CCDC71L: variants seen among roughly 807,000 people sequenced by gnomAD.
CCDC71L encodes coiled-coil domain-containing protein 71L.
In CCDC71L, 6 loss-of-function variants were observed where a neutral mutation model predicts 10.2. That is an observed-to-expected ratio of 0.59 (90% confidence interval 0.32 to 1.16). The LOEUF is 1.16. CCDC71L is among the 50% of genes most tolerant of loss of function. The probability of loss-of-function intolerance (pLI) is 0.05; values close to 1 mark genes in which losing one functional copy is unlikely to be tolerated. For synonymous variants in CCDC71L, 204 were observed against 175.5 expected (o/e 1.16, Z -1.28); for missense variants, 366 against 383.4 (o/e 0.95, Z 0.38).
chr7:106,660,197 G>A lies in CCDC71L; in HGVS notation c.700C>T (p.Arg234Trp). Residue 234 changes from arginine (R) to tryptophan (W), a missense_variant, in exon 1 of 1, where the codon CGG becomes TGG. Coordinates refer to ENST00000523505, the MANE Select transcript of CCDC71L (RefSeq NM_175884.6). The surrounding 1 kb of genome is among the most constrained non-coding windows in gnomAD (Gnocchi z 7.5). ...MVRLRRFPVPRA is the reference protein window; with the variant it reads ...MVRLRRFPVPWA Reference sequence around the variant, plus strand: ...GCCCTGGAGGCCGCACCTCATGCCCGGGGCACCGGGAAGCGGCGGAGCCTC... The same window carrying A: ...GCCCTGGAGGCCGCACCTCATGCCCAGGGCACCGGGAAGCGGCGGAGCCTC... 6.4e-7 allele frequency: 1 copy of A among 1,561,692 alleles called. No individual in the cohort carries two copies. The highest frequency in any genetic ancestry group is 8.6e-7 in the Non-Finnish European group (1 of 1,163,924).
In CCDC71L at chr7:106,660,844, G is replaced by A. The variant is rs746597913; in HGVS notation, c.53C>T (p.Thr18Met). Reference protein sequence around the residue: ...RRRRRPVAPATAARGGDFRAE... With the variant: ...RRRRRPVAPAMAARGGDFRAE... Reference sequence around the variant, plus strand: ...CCTAAAGTCGCCGCCCCGGGCGGCCGTGGCCGGGGCGACCGGGCGCCGGCG... The same window carrying A: ...CCTAAAGTCGCCGCCCCGGGCGGCCATGGCCGGGGCGACCGGGCGCCGGCG... The change falls in exon 1 of 1, where the codon ACG becomes ATG. Residue 18 changes from threonine (T) to methionine (M), a missense_variant. Physicochemically the swap from Thr to Met is moderately conservative, Grantham distance 81. Coordinates refer to ENST00000523505, the MANE Select transcript of CCDC71L (RefSeq NM_175884.6). The surrounding 1 kb of genome is among the most constrained non-coding windows in gnomAD (Gnocchi z 7.5). 12 of 1,496,980 alleles carry A rather than the reference G, an allele frequency of 8.0e-6. No individual in the cohort carries two copies. Among genetic ancestry groups the A allele is most frequent in the African/African-American group, 1.5e-5 (1 of 68,446 alleles). The allele number at this position is 1,496,980 out of a possible 1,614,324, so 92.7% of individuals were successfully genotyped here. A position where few individuals can be genotyped will look rare whatever the true frequency, so the allele number is the denominator to read the frequency against.
Position 106,660,080 on chromosome 7 carries a change from C to T in CCDC71L, c.*109G>A. On this transcript the variant is annotated 3_prime_UTR_variant, in exon 1 of 1. Transcript: ENST00000523505. This position sits in a 1 kb window ranked among gnomAD's most constrained non-coding sequence, Gnocchi z 7.5. ...TTCGCGCGTAAAGTGCATTGGGGGC[C>T]GGGGTCCTGGCCGGATCTGTAAACA... The T allele has an allele frequency of 3.0e-6, 4 of 1,325,464 alleles. No individual in the cohort carries two copies. The highest frequency in any genetic ancestry group is 3.9e-6 in the Non-Finnish European group (4 of 1,026,806). 82.1% of individuals were successfully genotyped at this position (1,325,464 alleles called of 1,614,324 possible).
Position 106,660,261 on chromosome 7 carries a change from C to A in CCDC71L, c.636G>T (p.Arg212Ser). 2 of 1,572,580 alleles carry A rather than the reference C, an allele frequency of 1.3e-6. No individual in the cohort carries two copies. The highest frequency in any genetic ancestry group is 2.4e-5 in the East Asian group (1 of 41,568). Residue 212 changes from arginine (R) to serine (S), a missense_variant, in exon 1 of 1, where the codon AGG becomes AGT. Transcript: ENST00000523505. The surrounding 1 kb of genome is among the most constrained non-coding windows in gnomAD (Gnocchi z 7.5). ...GGTTCACTCGCAGGACCTGGCGCGC[C>A]CTGCGCCGCGCTGCCGCCAGGCTGC... ...GERSLAAARR[R>S]ARQVLRVNLE...
chr7:106,658,073 T>A lies in CCDC71L; in HGVS notation c.*2116A>T, dbSNP rs545749669. On this transcript the variant is annotated 3_prime_UTR_variant, in exon 1 of 1. Coordinates refer to ENST00000523505, the MANE Select transcript of CCDC71L (RefSeq NM_175884.6). ...ATTATTATAAAACTATATACAATAG[T>A]AAAGTTGTACAAATACATTTTTTCC... 6.6e-5 allele frequency: 10 copies of A among 152,310 alleles called. No individual in the cohort carries two copies. In the East Asian group the frequency reaches 1.9e-3, roughly 29 times the overall value. 9.4% of individuals were successfully genotyped at this position (152,310 alleles called of 1,614,324 possible). A position where few individuals can be genotyped will look rare whatever the true frequency, so the allele number is the denominator to read the frequency against.
rs1792479411 is a variant in CCDC71L at position 106,655,708 on chromosome 7, T to C, written c.*4481A>G. Among the ~76,000 whole-genome samples, 1 of 148,112 alleles carries C rather than the reference T, an allele frequency of 6.8e-6. No homozygotes were observed. ...CTTATAGAGATATAACAAAAGAAGA[T>C]GTGAATCTTTAAAAAAACTCCAACA... is the stretch of plus-strand genomic sequence containing the variant. On this transcript the variant is annotated 3_prime_UTR_variant, in exon 1 of 1. Transcript: ENST00000523505.
rs954251533 is a variant in CCDC71L, at chr7:106,659,307, G to A, written c.*882C>T. The A allele has an allele frequency of 7.9e-5, 12 of 152,134 alleles. No individual in the cohort carries two copies. Among genetic ancestry groups the A allele is most frequent in the African/African-American group, 2.9e-4 (12 of 41,358 alleles). The allele number at this position is 152,134 out of a possible 1,614,324, so 9.4% of individuals were successfully genotyped here. On this transcript the variant is annotated 3_prime_UTR_variant, in exon 1 of 1. Coordinates refer to ENST00000523505, the MANE Select transcript of CCDC71L (RefSeq NM_175884.6). ...CTCCAGTCGGATTCCAGTGACTCCT[G>A]TAACCAAAACCAGTTCTTCACAATT...
rs1256232322 is a variant in CCDC71L at position 106,658,177 on chromosome 7, G to T, written c.*2012C>A. On this transcript the variant is annotated 3_prime_UTR_variant, in exon 1 of 1. Coordinates refer to ENST00000523505, the MANE Select transcript of CCDC71L (RefSeq NM_175884.6). ...TGCATCTGAAATACAATTGGCAATG[G>T]AAGCTAATAACCAAAAGATATGTCT... The T allele has an allele frequency of 6.6e-6, 1 of 152,072 alleles. No individual in the cohort carries two copies. Among genetic ancestry groups the T allele is most frequent in the Non-Finnish European group, 1.5e-5 (1 of 68,002 alleles). 9.4% of individuals were successfully genotyped at this position (152,072 alleles called of 1,614,324 possible).
Position 106,657,816 on chromosome 7 carries a change from A to G in CCDC71L, c.*2373T>C, listed in dbSNP as rs1050464196. Reference sequence around the variant, plus strand: ...CAAAATGGAATCAGATAGCCCATGTAATCCAAAGAAGCATTTATGTGAGTT... The same window carrying G: ...CAAAATGGAATCAGATAGCCCATGTGATCCAAAGAAGCATTTATGTGAGTT... On this transcript the variant is annotated 3_prime_UTR_variant, in exon 1 of 1. Transcript: ENST00000523505. The G allele has an allele frequency of 8.5e-5, 13 of 152,358 alleles. No homozygotes were observed. Among genetic ancestry groups the G allele is most frequent in the African/African-American group, 3.1e-4 (13 of 41,584 alleles). 9.4% of individuals were successfully genotyped at this position (152,358 alleles called of 1,614,324 possible).
chr7:106,658,873 A>C lies in CCDC71L; in HGVS notation c.*1316T>G, dbSNP rs1419576586. ...CAAAGACCTAGAACTGCAAACATAT[A>C]ATGAGTGGCAAAAAGGTTAAAAAAA... On this transcript the variant is annotated 3_prime_UTR_variant, in exon 1 of 1. Transcript: ENST00000523505. The C allele has an allele frequency of 1.3e-5, 2 of 152,584 alleles. No individual in the cohort carries two copies. Among genetic ancestry groups the C allele is most frequent in the African/African-American group, 4.8e-5 (2 of 41,432 alleles). 9.5% of individuals were successfully genotyped at this position (152,584 alleles called of 1,614,324 possible). A position where few individuals can be genotyped will look rare whatever the true frequency, so the allele number is the denominator to read the frequency against.
rs1030992532 is a variant in CCDC71L, at chr7:106,660,412, G to C, written c.485C>G (p.Pro162Arg). Residue 162 changes from proline (P) to arginine (R), a missense_variant, in exon 1 of 1, where the codon CCG (proline) becomes CGG (arginine). Pro to Arg is a moderately radical substitution (Grantham distance 103). Coordinates refer to ENST00000523505, the MANE Select transcript of CCDC71L (RefSeq NM_175884.6). This position sits in a 1 kb window ranked among gnomAD's most constrained non-coding sequence, Gnocchi z 7.5. ...GGGCCCGGGGGCCACGGGCTTGGCC[G>C]GGCAGCTCTCCTCGGGGGGCGGCGG... ...PPPPPPEESC[P>R]AKPVAPGPCF... The C allele has an allele frequency of 7.8e-7, 1 of 1,274,452 alleles. No homozygotes were observed. The highest frequency in any genetic ancestry group is 9.9e-7 in the Non-Finnish European group (1 of 1,011,364). The allele number at this position is 1,274,452 out of a possible 1,614,324, so 78.9% of individuals were successfully genotyped here.
At position 106,657,077 on chromosome 7, in the gene CCDC71L, G is replaced by A. The variant is rs937558483; in HGVS notation, c.*3112C>T. 6.8e-6 allele frequency: 1 copy of A among 148,074 alleles called. No individual in the cohort carries two copies. The allele number at this position is 148,074 out of a possible 1,614,324, so 9.2% of individuals were successfully genotyped here. A position where few individuals can be genotyped will look rare whatever the true frequency, so the allele number is the denominator to read the frequency against. On this transcript the variant is annotated 3_prime_UTR_variant, in exon 1 of 1. Coordinates refer to ENST00000523505, the MANE Select transcript of CCDC71L (RefSeq NM_175884.6). ...TCAAATATTTTTAAAATTTACTTAA[G>A]AGTTTTCTAAAAAATAGTACTATCA...
Position 106,655,609 on chromosome 7 carries a change from G to C in CCDC71L, c.*4580C>G, listed in dbSNP as rs1792476813. On this transcript the variant is annotated 3_prime_UTR_variant, in exon 1 of 1. Coordinates refer to ENST00000523505, the MANE Select transcript of CCDC71L (RefSeq NM_175884.6). ...AGTCCAAAACTTTTGTAAGTTCTTG[G>C]ATCAACAGCTTTAAATCTATTACTG... Among the ~76,000 whole-genome samples, 1 of 151,962 alleles carries C rather than the reference G, an allele frequency of 6.6e-6. No individual in the cohort carries two copies. The highest frequency in any genetic ancestry group is 2.4e-5 in the African/African-American group (1 of 41,378).
rs983263296 is a variant in CCDC71L, at chr7:106,659,917, G to C, written c.*272C>G. On this transcript the variant is annotated 3_prime_UTR_variant, in exon 1 of 1. Coordinates refer to ENST00000523505, the MANE Select transcript of CCDC71L (RefSeq NM_175884.6). ...AGACGTCTCAATCGGTGGTCAGGAAGAAAGGGACCTCCCCTGCGGGTCCAG... is the reference window on the plus strand; with the variant it reads ...AGACGTCTCAATCGGTGGTCAGGAACAAAGGGACCTCCCCTGCGGGTCCAG... The C allele has an allele frequency of 4.5e-6, 2 of 443,354 alleles. No homozygotes were observed. Among genetic ancestry groups the C allele is most frequent in the South Asian group, 3.7e-5 (1 of 26,708 alleles). 27.5% of individuals were successfully genotyped at this position (443,354 alleles called of 1,614,324 possible).
rs1249721455 is a variant in CCDC71L at position 106,656,750 on chromosome 7, A to C, written c.*3439T>G. 1.3e-5 allele frequency: 2 copies of C among 152,230 alleles called. No individual in the cohort carries two copies. The highest frequency in any genetic ancestry group is 2.4e-5 in the African/African-American group (1 of 41,462). The allele number at this position is 152,230 out of a possible 1,614,324, so 9.4% of individuals were successfully genotyped here. A position where few individuals can be genotyped will look rare whatever the true frequency, so the allele number is the denominator to read the frequency against. On this transcript the variant is annotated 3_prime_UTR_variant, in exon 1 of 1. Transcript: ENST00000523505. Reference sequence around the variant, plus strand: ...CCATTTCAAAAATGTTCAAATCATTAGAAAAACTAGACACTATGTATTCTC... The same window carrying C: ...CCATTTCAAAAATGTTCAAATCATTCGAAAAACTAGACACTATGTATTCTC...
Position 106,660,312 on chromosome 7 carries a change from G to A in CCDC71L, c.585C>T (p.Arg195=), listed in dbSNP as rs770571828. ...TPTLTTFPTI[R]VGSDVWGERS... is the part of the protein sequence containing the mutation. ...GCTCGCCCCACACGTCGCTGCCGAC[G>A]CGGATGGTGGGGAAGGTGGTCAGCG... The change falls in exon 1 of 1, where the codon CGC becomes CGT. Residue 195 remains arginine (R), a synonymous_variant. Transcript: ENST00000523505. The surrounding 1 kb of genome is among the most constrained non-coding windows in gnomAD (Gnocchi z 7.5). The A allele has an allele frequency of 1.2e-5, 19 of 1,537,186 alleles. No homozygotes were observed. The highest frequency in any genetic ancestry group is 1.5e-5 in the Non-Finnish European group (17 of 1,152,704).
Position 106,660,444 on chromosome 7 carries a change from G to T in CCDC71L, c.453C>A (p.Pro151=), listed in dbSNP as rs922511604. 4.1e-5 allele frequency: 51 copies of T among 1,230,618 alleles called. No homozygotes were observed. In the South Asian group the frequency reaches 1.8e-3, roughly 43 times the overall value. The allele number at this position is 1,230,618 out of a possible 1,614,324, so 76.2% of individuals were successfully genotyped here. A position where few individuals can be genotyped will look rare whatever the true frequency, so the allele number is the denominator to read the frequency against. Residue 151 remains proline, a synonymous_variant, in exon 1 of 1, where the codon CCC becomes CCA. Coordinates refer to ENST00000523505, the MANE Select transcript of CCDC71L (RefSeq NM_175884.6). The surrounding 1 kb of genome is among the most constrained non-coding windows in gnomAD (Gnocchi z 7.5). ...AARRRKPRPP[P]PPPPPPEESC... ...TCTCCTCGGGGGGCGGCGGCGGTGG[G>T]GGTGGCGGCCGGGGCTTCCTCCTGC...
Position 106,660,000 on chromosome 7 carries a change from G to T in CCDC71L, c.*189C>A. 2 of 780,250 alleles carry T rather than the reference G, an allele frequency of 2.6e-6. No individual in the cohort carries two copies. The highest frequency in any genetic ancestry group is 3.8e-6 in the Non-Finnish European group (2 of 533,168). The allele number at this position is 780,250 out of a possible 1,614,324, so 48.3% of individuals were successfully genotyped here. A position where few individuals can be genotyped will look rare whatever the true frequency, so the allele number is the denominator to read the frequency against. On this transcript the variant is annotated 3_prime_UTR_variant, in exon 1 of 1. Transcript: ENST00000523505. ...GGCAGCAGAGGGCACACCTGCCCCA[G>T]CGTCCAAGACGACCGCGCCGCGGCC...
Position 106,661,039 on chromosome 7 carries a change from G to A in CCDC71L, c.-143C>T. 3 of 1,199,734 alleles carry A rather than the reference G, an allele frequency of 2.5e-6. No homozygotes were observed. The highest frequency in any genetic ancestry group is 3.2e-6 in the Non-Finnish European group (3 of 936,608). 74.3% of individuals were successfully genotyped at this position (1,199,734 alleles called of 1,614,324 possible). ...TCCGCCGCCGCCCCTCCCCCTCCGAGGGCGGAGGACGCGGGCGAATATCCT... is the reference window on the plus strand; with the variant it reads ...TCCGCCGCCGCCCCTCCCCCTCCGAAGGCGGAGGACGCGGGCGAATATCCT... On this transcript the variant is annotated 5_prime_UTR_variant, in exon 1 of 1. Transcript: ENST00000523505.
In CCDC71L at chr7:106,660,597, G is replaced by A; in HGVS notation, c.300C>T (p.Gly100=). Residue 100 remains glycine (G), a synonymous_variant, in exon 1 of 1, where the codon GGC becomes GGT. Coordinates refer to ENST00000523505, the MANE Select transcript of CCDC71L (RefSeq NM_175884.6). This position sits in a 1 kb window ranked among gnomAD's most constrained non-coding sequence, Gnocchi z 7.5. ...GTACCAGGGCCCGGCAGGAGGAGTA[G>A]CCGTAGACGTCCTTGCTGCGCAGGA... ...PHILRSKDVY[G]YSSCRALVPD... 1.9e-6 allele frequency: 3 copies of A among 1,576,898 alleles called. No homozygotes were observed. Among genetic ancestry groups the A allele is most frequent in the Non-Finnish European group, 2.6e-6 (3 of 1,162,810 alleles).
Sources: allele counts gnomAD v4.1 joint callset (sites outside exome capture counted in the v4.1 genomes callset), GRCh38; gene constraint gnomAD v4.1.1; non-coding constraint Gnocchi (gnomAD v3.1); transcripts MANE v1.5; gene names NCBI Gene and HGNC (gene_info 2026-07-23, HGNC 2026-07-21).